EPHA6: variants seen among roughly 807,000 people sequenced by gnomAD.
EPHA6 encodes the protein ephrin type-A receptor 6.
Under a neutral mutation model 112.0 loss-of-function variants are expected in EPHA6, and 50 were observed. That is an observed-to-expected ratio of 0.45 (90% confidence interval 0.36 to 0.56). The LOEUF (loss-of-function observed/expected upper bound fraction) is 0.56. Among genes scored for constraint, EPHA6 ranks in the 20% least tolerant of loss-of-function variants. The probability of loss-of-function intolerance (pLI) is 0.00; values close to 1 mark genes in which losing one functional copy is unlikely to be tolerated. For missense variants in EPHA6, 1,280 were observed against 1,417.4 expected, an observed-to-expected ratio of 0.90 and a Z score of 1.56; for synonymous variants, 529 against 490.7, an observed-to-expected ratio of 1.08 and a Z score of -1.03.
chr3:97,668,911 CAAAAAAAAAAAAAA>C (rs397990599), intron 14 of EPHA6, among the ~76,000 whole-genome samples: 71 of 31,916 alleles, frequency 2.2e-3, no homozygotes, highest in African/African-American at 5.4e-3. Flanking sequence ...GACTCTGTCT[CAAAAAAAAAAAAAA>C]AAAAAAAAAA....
intron 2 of EPHA6, among the ~76,000 whole-genome samples, chr3:96,935,575 T>C (rs949941622): frequency 5.3e-5 from 8 of 149,648 alleles, no homozygotes; most frequent in African/African-American, 1.2e-4. Flanking sequence ...AAAGATAGCA[T>C]ATAAAAATTT....
intron 2 of EPHA6, among the ~76,000 whole-genome samples, chr3:96,872,593 A>G (rs940133304): frequency 3.9e-5 from 6 of 152,088 alleles, no homozygotes; most frequent in Non-Finnish European, 8.8e-5. Flanking sequence ...AAAATTTTAC[A>G]AAGTACAGAA....
At position 97,497,715 on chromosome 3, in the gene EPHA6, G is replaced by A. The variant is rs77169665; in HGVS notation, c.2200+13656G>A. Among the ~76,000 whole-genome samples the A allele has an allele frequency of 3.7e-3, 561 of 152,134 alleles. 2 individuals are homozygous for A. Among genetic ancestry groups the A allele is most frequent in the Middle Eastern group, 0.017 (5 of 294 alleles). On this transcript the variant is annotated intron_variant, in intron 10 of 17. Coordinates refer to ENST00000389672, the MANE Select transcript of EPHA6 (RefSeq NM_001080448.3). ...ACTTTATTCTCAAAAACCTAGTGTA[G>A]GGTTGAGGAGAAGGGAGCAGGATCA...
At chr3:97,045,356 C>T (rs1373009575) in intron 3 of EPHA6, among the ~76,000 whole-genome samples, 4 of 151,820 alleles carry the variant, frequency 2.6e-5, no homozygotes, top group East Asian at 3.9e-4. Context: ...TAAGAAGGAT[C>T]GGTATGTCAC....
intron 3 of EPHA6, among the ~76,000 whole-genome samples, chr3:97,142,045 T>G (rs888379396): frequency 2.0e-5 from 3 of 151,998 alleles, no homozygotes; most frequent in Non-Finnish European, 4.4e-5. Context: ...TATAGTGTTC[T>G]GTTTTTAGTG....
intron 7 of EPHA6, 57 bp from the exon 8 acceptor site, chr3:97,475,295 T>C: frequency 8.1e-7 from 1 of 1,240,516 alleles, no homozygotes; most frequent in Non-Finnish European, 1.2e-6. Context: ...AATTGTAAAA[T>C]GGTTTTAATA....
intron 2 of EPHA6, among the ~76,000 whole-genome samples, chr3:96,980,988 A>G (rs541710959): frequency 1.3e-5 from 2 of 152,316 alleles, no homozygotes; most frequent in East Asian, 1.9e-4. Flanking sequence ...CAAGCATGTC[A>G]TCTGCAAACA....
intron 2 of EPHA6, among the ~76,000 whole-genome samples, chr3:96,921,979 G>A (rs896493458): frequency 2.6e-5 from 4 of 152,002 alleles, no homozygotes; most frequent in Admixed American, 2.0e-4. Flanking sequence ...TGAATCAACT[G>A]AAGTTGATTG....
intron 6 of EPHA6, among the ~76,000 whole-genome samples, chr3:97,443,836 G>A (rs1356284369): frequency 6.6e-6 from 1 of 152,072 alleles, no homozygotes; most frequent in Non-Finnish European, 1.5e-5. Flanking sequence ...GTTACTTCTA[G>A]TGTATAGATA....
chr3:97,547,199 T>C (rs1436289280), intron 11 of EPHA6, among the ~76,000 whole-genome samples: 2 of 152,210 alleles, frequency 1.3e-5, no homozygotes, highest in Non-Finnish European at 2.9e-5. Flanking sequence ...TGTGGTTTTA[T>C]CTACCTTTGG....
chr3:97,149,521 C>A (rs1366938040), intron 3 of EPHA6, among the ~76,000 whole-genome samples: 2 of 151,742 alleles, frequency 1.3e-5, no homozygotes, highest in African/African-American at 4.8e-5. Context: ...TGAATGTGAC[C>A]TTATTATTTT....
chr3:96,950,094 T>A (rs1344440757), intron 2 of EPHA6, among the ~76,000 whole-genome samples: 1 of 152,152 alleles, frequency 6.6e-6, no homozygotes, highest in Non-Finnish European at 1.5e-5. Flanking sequence ...TATCTCAAAT[T>A]ACTGTGTTTA....
At chr3:97,591,685 C>A (rs116555836) in intron 11 of EPHA6, among the ~76,000 whole-genome samples, 1 of 152,258 alleles carries the variant, frequency 6.6e-6, no homozygotes, top group Non-Finnish European at 1.5e-5. Context: ...AGTTTAGGAT[C>A]TTAAAGTTAT....
intron 3 of EPHA6, among the ~76,000 whole-genome samples, chr3:97,128,885 T>TTG (rs2048258362): frequency 6.7e-6 from 1 of 149,152 alleles, no homozygotes; most frequent in African/African-American, 2.5e-5. Flanking sequence ...TTTTTTTTTT[T>TTG]TTTTTTGAGA....
intron 1 of EPHA6, among the ~76,000 whole-genome samples, chr3:96,815,324 G>C (rs1241510076): frequency 6.6e-6 from 1 of 152,132 alleles, no homozygotes; most frequent in Non-Finnish European, 1.5e-5. Flanking sequence ...GTCAGGCTCC[G>C]TGGCACAGAC....
At chr3:96,977,842 A>G (rs1022720407) in intron 2 of EPHA6, among the ~76,000 whole-genome samples, 5 of 152,168 alleles carry the variant, frequency 3.3e-5, no homozygotes, top group Non-Finnish European at 5.9e-5. Flanking sequence ...TCTTACAGTA[A>G]AGTAAGCTAG....
chr3:96,920,860 T>C (rs2039721773), intron 2 of EPHA6, among the ~76,000 whole-genome samples: 1 of 152,070 alleles, frequency 6.6e-6, no homozygotes, highest in African/African-American at 2.4e-5. Context: ...ATAGAAATAA[T>C]TTGTTCTAGT....
At chr3:97,192,072 G>A (rs1426907518) in intron 3 of EPHA6, among the ~76,000 whole-genome samples, 1 of 152,054 alleles carries the variant, frequency 6.6e-6, no homozygotes, top group Non-Finnish European at 1.5e-5. Context: ...TTGCATTTCT[G>A]TGATAATCAA....
chr3:97,351,818 G>A (rs1365333352), intron 5 of EPHA6, among the ~76,000 whole-genome samples: 1 of 152,056 alleles, frequency 6.6e-6, no homozygotes, highest in Non-Finnish European at 1.5e-5. Flanking sequence ...GATGTGGAGA[G>A]TATAGTTTGG....
Sources: gnomAD v4.1 joint callset for allele counts (sites outside exome capture counted in the v4.1 genomes callset) on GRCh38, gnomAD v4.1.1 for gene constraint, MANE v1.5 for transcripts, NCBI Gene and HGNC (gene_info 2026-07-23, HGNC 2026-07-21) for gene names.